The following TSHZ2 variants were observed in gnomAD, a reference collection of about 807,000 sequenced individuals.
The protein encoded by TSHZ2 is teashirt homolog 2.
In TSHZ2, 21 loss-of-function variants were observed where a neutral mutation model predicts 74.4. The ratio of observed to expected loss-of-function variants is 0.28; its 90% CI spans 0.20 to 0.41. TSHZ2 has a LOEUF of 0.41. Among genes scored for constraint, TSHZ2 ranks in the 10% least tolerant of loss-of-function variants. The pLI, the probability that TSHZ2 is intolerant of heterozygous loss-of-function variation, is 1.00. For synonymous variants in TSHZ2, 540 were observed against 515.3 expected, an observed-to-expected ratio of 1.05 and a Z score of -0.65; for missense variants, 1,244 against 1,293.5, an observed-to-expected ratio of 0.96 and a Z score of 0.59.
chr20:53,399,938 C>T, intron 2 of TSHZ2: 1 of 152,488 alleles, frequency 6.6e-6, no homozygotes, highest in Non-Finnish European at 1.5e-5. Context: ...CTGTGGAGTG[C>T]TGTGTACAGG....
chr20:53,405,091 A>G (rs1371168537), intron 2 of TSHZ2, among the ~76,000 whole-genome samples: 1 of 152,184 alleles, frequency 6.6e-6, no homozygotes, highest in African/African-American at 2.4e-5. Context: ...CTCTACAAAA[A>G]TACAAAAATT....
chr20:53,465,067 G>T (rs1985513198), intron 2 of TSHZ2, among the ~76,000 whole-genome samples: 3 of 152,234 alleles, frequency 2.0e-5, no homozygotes, highest in Non-Finnish European at 2.9e-5. Context: ...GGGGAGCCCA[G>T]TGAGGCCAGG....
At chr20:53,196,375 A>T (rs1250552796) in intron 1 of TSHZ2, 16 of 65,054 alleles carry the variant, frequency 2.5e-4, no homozygotes, top group African/African-American at 2.9e-4. Flanking sequence ...CTAAAAAAAA[A>T]AAAAAAAAAA....
At chr20:53,081,566 T>C (rs1400570008) in intron 1 of TSHZ2, among the ~76,000 whole-genome samples, 2 of 152,226 alleles carry the variant, frequency 1.3e-5, no homozygotes, top group Non-Finnish European at 2.9e-5. Context: ...GCACAATTGC[T>C]GTTACAACGC....
intron 2 of TSHZ2, among the ~76,000 whole-genome samples, chr20:53,305,988 A>AT (rs1978526645): frequency 6.6e-6 from 1 of 151,872 alleles, no homozygotes; most frequent in Admixed American, 6.6e-5. Flanking sequence ...AAAAAAAAAA[A>AT]AAATACGTTT....
In TSHZ2 at chr20:53,254,504, A is replaced by G; in HGVS notation, c.1046A>G (p.Asn349Ser). ...GCAGATTCTTTTTCTTCTCAGAAGA[A>G]CGCCAACTTGCAGTTGTCCTCCAAC... The part of the protein sequence containing the change: ...SFADSFSSQK[N>S]ANLQLSSNNR... The change falls in exon 2 of 3, where the codon AAC becomes AGC. Residue 349 changes from asparagine (N) to serine (S), a missense_variant. By Grantham distance (46) the Asn-to-Ser change is conservative (BLOSUM62 1). Around this residue, in one of 6 missense-constraint regions of TSHZ2, gnomAD observed 470 missense variants for 456.5 expected, o/e 1.03. Transcript: ENST00000371497. 1.2e-6 allele frequency: 2 copies of G among 1,614,118 alleles called. No homozygotes were observed. The highest frequency in any genetic ancestry group is 1.7e-6 in the Non-Finnish European group (2 of 1,179,968).
chr20:53,299,004 C>T (rs1472217278), intron 2 of TSHZ2, among the ~76,000 whole-genome samples: 1 of 152,134 alleles, frequency 6.6e-6, no homozygotes, highest in African/African-American at 2.4e-5. Context: ...ACTCTGCTTT[C>T]CAGCTCCTGT....
At chr20:53,365,481 G>A (rs1274139782) in intron 2 of TSHZ2, among the ~76,000 whole-genome samples, 1 of 152,198 alleles carries the variant, frequency 6.6e-6, no homozygotes, top group Non-Finnish European at 1.5e-5. Context: ...ACTATCTGAA[G>A]TTTTGCAAGT....
intron 1 of TSHZ2, among the ~76,000 whole-genome samples, chr20:53,140,534 C>T (rs9680004): frequency 0.037 from 4,434 of 121,472 alleles, 341 homozygotes; most frequent in East Asian, 0.33. Flanking sequence ...AGCAAGACTC[C>T]GTCTCAAAAA....
At chr20:53,174,761 C>A (rs893712901) in intron 1 of TSHZ2, among the ~76,000 whole-genome samples, 3 of 152,240 alleles carry the variant, frequency 2.0e-5, no homozygotes, top group African/African-American at 7.2e-5. Context: ...TGATTCAAGT[C>A]CACGGAGGGG....
At chr20:53,021,362 C>T (rs867950994) in intron 1 of TSHZ2, among the ~76,000 whole-genome samples, 27 of 152,142 alleles carry the variant, frequency 1.8e-4, no homozygotes, top group African/African-American at 6.3e-4. Flanking sequence ...AATGGAACCA[C>T]GTGCGCTGTG....
chr20:53,145,730 G>A (rs1276033926), intron 1 of TSHZ2, among the ~76,000 whole-genome samples: 3 of 152,190 alleles, frequency 2.0e-5, no homozygotes, highest in South Asian at 4.1e-4. Context: ...AGCTTGCCCT[G>A]TATGGGAACA....
At chr20:53,389,451 G>T (rs1353900552) in intron 2 of TSHZ2, among the ~76,000 whole-genome samples, 2 of 152,234 alleles carry the variant, frequency 1.3e-5, no homozygotes, top group Admixed American at 1.3e-4. Flanking sequence ...AAGAGGGATG[G>T]TCATGGAAGA....
intron 1 of TSHZ2, among the ~76,000 whole-genome samples, chr20:53,024,475 C>T (rs1279956011): frequency 6.6e-6 from 1 of 151,618 alleles, no homozygotes; most frequent in Non-Finnish European, 1.5e-5. Context: ...TGGTTTCCTA[C>T]CATGTGCACT....
intron 2 of TSHZ2, among the ~76,000 whole-genome samples, chr20:53,377,035 C>A (rs156618): frequency 6.6e-6 from 1 of 152,122 alleles, no homozygotes; most frequent in Non-Finnish European, 1.5e-5. Context: ...GTGTGCCTCA[C>A]AGAATCGTGG....
chr20:53,017,784 T>G (rs1477407901), intron 1 of TSHZ2, among the ~76,000 whole-genome samples: 1 of 152,146 alleles, frequency 6.6e-6, no homozygotes, highest in African/African-American at 2.4e-5. Flanking sequence ...CCCCAATGGT[T>G]AAGAACTTTC....
intron 2 of TSHZ2, among the ~76,000 whole-genome samples, chr20:53,265,117 A>C (rs1421460804): frequency 6.6e-6 from 1 of 151,992 alleles, no homozygotes; most frequent in Non-Finnish European, 1.5e-5. Context: ...AAACTGGAGA[A>C]AGAGGCCAGG....
intron 2 of TSHZ2, among the ~76,000 whole-genome samples, chr20:53,309,127 C>T (rs1459731125): frequency 6.6e-6 from 1 of 152,214 alleles, no homozygotes; most frequent in East Asian, 1.9e-4. Flanking sequence ...AAATCACTGG[C>T]TTCTCAGGAA....
At chr20:53,115,050 A>G (rs979369143) in intron 1 of TSHZ2, among the ~76,000 whole-genome samples, 1 of 152,098 alleles carries the variant, frequency 6.6e-6, no homozygotes, top group African/African-American at 2.4e-5. Flanking sequence ...AGTCTTACGC[A>G]TTTGGGTGGC....
Sources: gnomAD v4.1 joint callset for allele counts (sites outside exome capture counted in the v4.1 genomes callset) on GRCh38, gnomAD v4.1.1 for gene constraint, gnomAD v4.1.1 regional missense constraint, MANE v1.5 for transcripts, NCBI Gene and HGNC (gene_info 2026-07-23, HGNC 2026-07-21) for gene names.